MGLL: variants seen among roughly 807,000 people sequenced by gnomAD.
MGLL encodes the protein monoglyceride lipase, also known as lysophospholipase homolog.
In MGLL, 7 loss-of-function variants were observed where a neutral mutation model predicts 29.1. The ratio of observed to expected loss-of-function variants is 0.24; its 90% CI spans 0.14 to 0.45. MGLL has a LOEUF of 0.45. Ranked by LOEUF, MGLL falls within the 20% of genes least tolerant of loss-of-function variation. MGLL has a pLI of 0.99. For missense variants in MGLL, 356 were observed against 413.6 expected (o/e 0.86, Z 1.21); for synonymous variants, 148 against 168.3 (o/e 0.88, Z 0.93).
At position 127,754,554 on chromosome 3, in the gene MGLL, G is replaced by T. The variant is rs569413985; in HGVS notation, c.262+27235C>A. Among the ~76,000 whole-genome samples the T allele has an allele frequency of 3.7e-4, 57 of 152,316 alleles. 1 individual carries two copies. In the South Asian group the frequency reaches 0.012, roughly 32 times the overall value. On this transcript the variant is annotated intron_variant, in intron 3 of 7. Transcript: ENST00000265052. ...GTACCGCCTGTGTCCATTTCACCAG[G>T]GTGGACGCTGAGGCACAGAGAGGAG...
chr3:127,752,026 G>A (rs1005123175), intron 3 of MGLL, among the ~76,000 whole-genome samples: 4 of 151,706 alleles, frequency 2.6e-5, no homozygotes, highest in African/African-American at 9.7e-5. Context: ...ATTCCCTCAG[G>A]TGACCAATCC....
intron 3 of MGLL, among the ~76,000 whole-genome samples, chr3:127,760,822 G>C (rs531868979): frequency 6.6e-6 from 1 of 152,244 alleles, no homozygotes; most frequent in South Asian, 2.1e-4. Context: ...CCTAATGACT[G>C]TGAGCTTGAA....
At chr3:127,710,898 T>C (rs2276744) in intron 5 of MGLL, 208,345 of 538,762 alleles carry the variant, frequency 0.39, 41,092 homozygotes, top group Middle Eastern at 0.51. Flanking sequence ...AGGCAGCCGC[T>C]GCGCCCAAGG....
intron 6 of MGLL, among the ~76,000 whole-genome samples, chr3:127,699,911 A>G (rs1271730019): frequency 1.3e-5 from 2 of 152,144 alleles, no homozygotes; most frequent in African/African-American, 4.8e-5. Flanking sequence ...GCCCTCCTGG[A>G]TGCACCCCTA....
intron 3 of MGLL, among the ~76,000 whole-genome samples, chr3:127,768,790 G>A (rs138441051): frequency 1.3e-5 from 2 of 152,262 alleles, no homozygotes; most frequent in Admixed American, 6.5e-5. Context: ...CATCACTCAT[G>A]TGTCTACCCC....
chr3:127,728,214 C>T (rs2076082475), intron 3 of MGLL, among the ~76,000 whole-genome samples: 1 of 152,204 alleles, frequency 6.6e-6, no homozygotes, highest in Non-Finnish European at 1.5e-5. Flanking sequence ...TCCTCCATCT[C>T]CCCGCTCGTT....
chr3:127,698,709 C>G (rs1355733251), intron 6 of MGLL, among the ~76,000 whole-genome samples: 1 of 152,102 alleles, frequency 6.6e-6, no homozygotes, highest in African/African-American at 2.4e-5. Context: ...ATTGTCCTGT[C>G]GTTTTGCAAA....
At chr3:127,802,472 T>C (rs114298644) in intron 2 of MGLL, among the ~76,000 whole-genome samples, 2,683 of 152,256 alleles carry the variant, frequency 0.018, 77 homozygotes, top group African/African-American at 0.061. Context: ...GCAGAAAATA[T>C]GTCAGTGCCA....
At chr3:127,740,093 A>C (rs772532322) in intron 3 of MGLL, among the ~76,000 whole-genome samples, 1 of 152,260 alleles carries the variant, frequency 6.6e-6, no homozygotes, top group Non-Finnish European at 1.5e-5. Context: ...AGCGTGGCCC[A>C]GTCTTCCAAA....
At chr3:127,739,884 T>C (rs1215713874) in intron 3 of MGLL, among the ~76,000 whole-genome samples, 1 of 152,220 alleles carries the variant, frequency 6.6e-6, no homozygotes, top group African/African-American at 2.4e-5. Context: ...TGCTAAGCAC[T>C]TGCTGTATGC....
In MGLL at chr3:127,726,119, G is replaced by GGAAAGAAAGAAAGAAA. The variant is rs869029966; in HGVS notation, c.263-3569_263-3554dup. Among the ~76,000 whole-genome samples the GGAAAGAAAGAAAGAAA allele has an allele frequency of 9.7e-4, 73 of 75,142 alleles. 5 individuals are homozygous for GGAAAGAAAGAAAGAAA. Among genetic ancestry groups the GGAAAGAAAGAAAGAAA allele is most frequent in the East Asian group, 2.6e-3 (7 of 2,668 alleles). The allele number at this position is 75,142 out of a possible 152,430, so 49.3% of individuals were successfully genotyped here. A position where few individuals can be genotyped will look rare whatever the true frequency, so the allele number is the denominator to read the frequency against. On this transcript the variant is annotated intron_variant, in intron 3 of 7. Coordinates refer to ENST00000265052, the MANE Select transcript of MGLL (RefSeq NM_007283.7). The stretch of plus-strand genomic sequence containing the variant: ...AAACAGAAGAAAGAGAAAGAAAGCA[G>GGAAAGAAAGAAAGAAA]GAAAGAAAGAAAGAAAGAAAGAAAG...
chr3:127,768,724 G>T (rs2076898714), intron 3 of MGLL, among the ~76,000 whole-genome samples: 1 of 151,928 alleles, frequency 6.6e-6, no homozygotes, highest in East Asian at 1.9e-4. Context: ...TCCCTGTCCT[G>T]TCCACCCCTC....
chr3:127,788,099 T>C (rs920922649), intron 2 of MGLL, among the ~76,000 whole-genome samples: 1 of 152,176 alleles, frequency 6.6e-6, no homozygotes, highest in Non-Finnish European at 1.5e-5. Context: ...CTCCTTTGTA[T>C]AATAAAACAG....
intron 3 of MGLL, among the ~76,000 whole-genome samples, chr3:127,765,071 C>T (rs980283780): frequency 6.6e-6 from 1 of 152,230 alleles, no homozygotes. Flanking sequence ...ATATAACCTG[C>T]ATATATGTTA....
chr3:127,767,269 G>A (rs1019518601), intron 3 of MGLL, among the ~76,000 whole-genome samples: 4 of 152,266 alleles, frequency 2.6e-5, no homozygotes, highest in African/African-American at 9.6e-5. Flanking sequence ...CATCCTGTTA[G>A]ATGAGGCAAT....
At chr3:127,712,262 C>G (rs1033752607) in intron 5 of MGLL, 1 of 152,320 alleles carries the variant, frequency 6.6e-6, no homozygotes, top group Non-Finnish European at 1.5e-5. Context: ...CCAGCGGCCA[C>G]TGATGTTCTT....
At chr3:127,800,622 A>C (rs978355833) in intron 2 of MGLL, among the ~76,000 whole-genome samples, 1 of 152,244 alleles carries the variant, frequency 6.6e-6, no homozygotes, top group Non-Finnish European at 1.5e-5. Flanking sequence ...CTACCCGTGC[A>C]TTAGTCAGCC....
intron 3 of MGLL, among the ~76,000 whole-genome samples, chr3:127,746,002 G>T (rs1246950693): frequency 6.6e-6 from 1 of 152,220 alleles, no homozygotes; most frequent in African/African-American, 2.4e-5. Context: ...TAAAGGCAAA[G>T]AACAGAGTTT....
chr3:127,692,796 C>T (rs1360695813), intron 7 of MGLL, among the ~76,000 whole-genome samples: 1 of 152,222 alleles, frequency 6.6e-6, no homozygotes, highest in African/African-American at 2.4e-5. Context: ...AAGCTGCTCA[C>T]TGTCACCTTC....
Sources: allele counts gnomAD v4.1 joint callset (sites outside exome capture counted in the v4.1 genomes callset), GRCh38; gene constraint gnomAD v4.1.1; transcripts MANE v1.5; gene names NCBI Gene and HGNC (gene_info 2026-07-23, HGNC 2026-07-21).